Variants in LEMD1 observed in about 807,000 individuals in gnomAD.
LEMD1 encodes the protein LEM domain containing 1.
LEMD1 carries 18 observed loss-of-function variants against 17.4 expected under a neutral mutation model. That is an observed-to-expected ratio of 1.04 (90% CI 0.72 to 1.54). LEMD1 has a LOEUF of 1.54. Ranked by LOEUF, LEMD1 falls within the 40% of genes most tolerant of loss-of-function variation. The probability of loss-of-function intolerance (pLI) is 0.00; values close to 1 mark genes in which losing one functional copy is unlikely to be tolerated. For synonymous variants in LEMD1, 88 were observed against 77.8 expected (o/e 1.13, Z -0.69); for missense variants, 195 against 210.4 (o/e 0.93, Z 0.45).
intron 4 of LEMD1, among the ~76,000 whole-genome samples, chr1:205,398,944 G>A (rs989349189): frequency 2.0e-5 from 3 of 152,186 alleles, no homozygotes; most frequent in African/African-American, 7.2e-5. Context: ...GCTGAGTGTG[G>A]TGACTCACGC....
intron 4 of LEMD1, among the ~76,000 whole-genome samples, chr1:205,392,403 A>G (rs1166743098): frequency 1.3e-5 from 2 of 151,888 alleles, no homozygotes; most frequent in African/African-American, 4.8e-5. Flanking sequence ...TTAGCCAGGC[A>G]TGATGGTGTG....
intron 1 of LEMD1, among the ~76,000 whole-genome samples, chr1:205,427,696 C>T (rs1485317797): frequency 6.6e-6 from 1 of 152,046 alleles, no homozygotes; most frequent in Non-Finnish European, 1.5e-5. Flanking sequence ...GACTCTGTAC[C>T]AGCAGGGATC....
chr1:205,436,154 A>C (rs927466954), intron 1 of LEMD1: 1 of 152,338 alleles, frequency 6.6e-6, no homozygotes, highest in Non-Finnish European at 1.5e-5. Flanking sequence ...GAATGAGCTG[A>C]AGGAGGAGAG....
At chr1:205,424,305 C>T (rs1666028808), upstream of LEMD1, among the ~76,000 whole-genome samples, 1 of 152,148 alleles carries the variant, frequency 6.6e-6, no homozygotes, top group Admixed American at 6.5e-5. Flanking sequence ...GAGGCATTTC[C>T]CCAGATATTT....
intron 2 of LEMD1, 112 bp from the exon 3 acceptor site, chr1:205,419,464 G>T: frequency 1.6e-6 from 2 of 1,217,846 alleles, no homozygotes; most frequent in Non-Finnish European, 2.3e-6. Context: ...TACATTATTG[G>T]TTAATTATGG....
intron 4 of LEMD1, among the ~76,000 whole-genome samples, chr1:205,399,311 AT>A (rs1287822524): frequency 4.6e-5 from 7 of 152,200 alleles, no homozygotes; most frequent in Non-Finnish European, 8.8e-5. Flanking sequence ...CAGATAAGTG[AT>A]TTTATAAAAG....
intron 1 of LEMD1, among the ~76,000 whole-genome samples, chr1:205,420,849 G>A (rs913327674): frequency 1.3e-5 from 2 of 151,862 alleles, no homozygotes; most frequent in African/African-American, 4.8e-5. Context: ...AAAATCTTCT[G>A]GACAAAATAA....
intron 1 of LEMD1, chr1:205,435,647 C>T (rs1558741794): frequency 6.6e-6 from 1 of 152,162 alleles, no homozygotes; most frequent in East Asian, 1.9e-4. Flanking sequence ...GCTTATACCA[C>T]CAACAGGACA....
At chr1:205,428,641 G>A (rs1464698477) in intron 1 of LEMD1, among the ~76,000 whole-genome samples, 1 of 152,156 alleles carries the variant, frequency 6.6e-6, no homozygotes, top group Non-Finnish European at 1.5e-5. Flanking sequence ...ATTTAGACTG[G>A]ATAGTCAGGG....
chr1:205,406,502 C>G (rs1665115377), intron 4 of LEMD1, among the ~76,000 whole-genome samples: 2 of 152,270 alleles, frequency 1.3e-5, no homozygotes, highest in South Asian at 4.1e-4. Context: ...GCGTAGGACC[C>G]TCACATCCAG....
intron 4 of LEMD1, among the ~76,000 whole-genome samples, chr1:205,400,849 C>CCA (rs1553393673): frequency 9.0e-6 from 1 of 111,316 alleles, no homozygotes; most frequent in African/African-American, 3.3e-5. Flanking sequence ...TCCCTCCCCC[C>CCA]CCCCACCCCA....
At chr1:205,420,420 A>G (rs760169614) in intron 2 of LEMD1, 35 bp downstream of exon 2, 11 of 1,481,236 alleles carry the variant, frequency 7.4e-6, no homozygotes, top group Admixed American at 1.7e-5. Flanking sequence ...ACCATAAATG[A>G]CAAGTCTGTA....
chr1:205,395,010 A>C (rs373116151), intron 4 of LEMD1, among the ~76,000 whole-genome samples: 2 of 151,856 alleles, frequency 1.3e-5, no homozygotes, highest in Admixed American at 1.3e-4. Flanking sequence ...AGTTAATTTT[A>C]TATTGTGTAA....
intron 4 of LEMD1, among the ~76,000 whole-genome samples, chr1:205,393,563 C>A (rs1278575190): frequency 6.6e-6 from 1 of 151,884 alleles, no homozygotes; most frequent in African/African-American, 2.4e-5. Flanking sequence ...GTAATCCCAG[C>A]TGCTTGCAGG....
intron 1 of LEMD1, among the ~76,000 whole-genome samples, chr1:205,433,390 G>C (rs1666155383): frequency 6.6e-6 from 1 of 152,158 alleles, no homozygotes; most frequent in Admixed American, 6.5e-5. Context: ...CCAACAGGCA[G>C]AGGTTGTAGT....
chr1:205,411,500 G>C (rs1558728225), intron 4 of LEMD1, among the ~76,000 whole-genome samples: 1 of 148,742 alleles, frequency 6.7e-6, no homozygotes, highest in African/African-American at 2.5e-5. Context: ...AGCTTGCAGT[G>C]AGCCAAGATT....
intron 4 of LEMD1, among the ~76,000 whole-genome samples, chr1:205,393,798 C>T (rs555130084): frequency 2.9e-4 from 44 of 149,224 alleles, no homozygotes; most frequent in African/African-American, 8.7e-4. Flanking sequence ...GTACTTTCTC[C>T]GAAAGTCAGA....
intron 4 of LEMD1, chr1:205,387,472 A>T (rs1228059712): frequency 6.6e-6 from 1 of 152,230 alleles, no homozygotes; most frequent in Admixed American, 6.5e-5. Context: ...TTTATATTTC[A>T]TCTTTTAAAA....
At chr1:205,402,661 C>T (rs1228733088) in intron 4 of LEMD1, among the ~76,000 whole-genome samples, 1 of 152,108 alleles carries the variant, frequency 6.6e-6, no homozygotes, top group African/African-American at 2.4e-5. Flanking sequence ...GACAATTTGA[C>T]TTCCTCTTTT....
Sources: gnomAD v4.1 joint callset for allele counts (sites outside exome capture counted in the v4.1 genomes callset) on GRCh38, gnomAD v4.1.1 for gene constraint, MANE v1.5 for transcripts, NCBI Gene and HGNC (gene_info 2026-07-23, HGNC 2026-07-21) for gene names.